Variants in SEPTIN11 observed in about 807,000 individuals in gnomAD.
The protein encoded by SEPTIN11 is septin-11.
In SEPTIN11, 25 loss-of-function variants were observed where a neutral mutation model predicts 51.4. That is an observed-to-expected ratio of 0.49 (90% CI 0.35 to 0.68). The LOEUF (loss-of-function observed/expected upper bound fraction) is 0.68, where lower values mean the gene tolerates loss of function less well. SEPTIN11 is among the 30% of genes least tolerant of loss of function. The pLI is 0.00. For missense variants in SEPTIN11, 381 were observed against 520.8 expected, an observed-to-expected ratio of 0.73 and a Z score of 2.61; for synonymous variants, 174 against 184.1, an observed-to-expected ratio of 0.95 and a Z score of 0.44.
chr4:76,958,676 AC>A (rs977685239), intron 1 of SEPTIN11, among the ~76,000 whole-genome samples: 4 of 152,226 alleles, frequency 2.6e-5, no homozygotes, highest in African/African-American at 4.8e-5. Context: ...CTGACTTTTT[AC>A]CAGGTTTTCA....
intron 5 of SEPTIN11, among the ~76,000 whole-genome samples, chr4:77,017,568 G>A (rs1725389000): frequency 6.6e-6 from 1 of 152,086 alleles, no homozygotes; most frequent in African/African-American, 2.4e-5. Flanking sequence ...TCCTTCTTAG[G>A]GTGTGAGATG....
chr4:77,018,394 A>T (rs1001917424), intron 5 of SEPTIN11, among the ~76,000 whole-genome samples: 6 of 151,612 alleles, frequency 4.0e-5, no homozygotes, highest in Non-Finnish European at 8.8e-5. Flanking sequence ...GCTTGCAGTG[A>T]GCCGAGATCG....
chr4:76,967,991 G>A (rs1722096973), intron 1 of SEPTIN11, among the ~76,000 whole-genome samples: 1 of 152,162 alleles, frequency 6.6e-6, no homozygotes, highest in Non-Finnish European at 1.5e-5. Context: ...TATGGTGTGA[G>A]CAGGCCCACA....
At chr4:76,983,016 G>A (rs1034194136) in intron 1 of SEPTIN11, among the ~76,000 whole-genome samples, 1 of 152,008 alleles carries the variant, frequency 6.6e-6, no homozygotes. Flanking sequence ...AGTTACACAG[G>A]AGAAATAGGG....
At chr4:77,033,460 TAATGTAGG>T (rs1726816891) in intron 9 of SEPTIN11, among the ~76,000 whole-genome samples, 1 of 152,246 alleles carries the variant, frequency 6.6e-6, no homozygotes, top group East Asian at 1.9e-4. Flanking sequence ...GCTCCTTTTT[TAATGTAGG>T]TAAGGCTTTA....
In SEPTIN11 at chr4:77,011,805, C is replaced by T. The variant is rs866623127; in HGVS notation, c.409C>T (p.Arg137Cys). Reference sequence around the variant, plus strand: ...CCTGCAAGAGGAATTGAAGATTAAACGTTCTCTCTTCAACTACCATGACAC... The same window carrying T: ...CCTGCAAGAGGAATTGAAGATTAAATGTTCTCTCTTCAACTACCATGACAC... ...AYLQEELKIK[R>C]SLFNYHDTRI... The change falls in exon 4 of 10, where the codon CGT becomes TGT. Residue 137 changes from arginine (R) to cysteine (C), a missense_variant. Physicochemically the swap from Arg to Cys is radical, Grantham distance 180. Transcript: ENST00000264893. The T allele has an allele frequency of 6.2e-6, 10 of 1,613,938 alleles. No homozygotes were observed. Among genetic ancestry groups the T allele is most frequent in the Admixed American group, 3.3e-5 (2 of 59,996 alleles).
At position 77,036,525 on chromosome 4, in the gene SEPTIN11, G is replaced by A; in HGVS notation, c.*2013G>A. On this transcript the variant is annotated 3_prime_UTR_variant, in exon 10 of 10. Transcript: ENST00000264893. The stretch of plus-strand genomic sequence containing the variant: ...TTTAAAATGAGCATAACAACGAAAG[G>A]CATCCAGCTGACTTTTTGATTCCAA... The A allele has an allele frequency of 7.2e-7, 1 of 1,383,778 alleles. No individual in the cohort carries two copies. Among genetic ancestry groups the A allele is most frequent in the African/African-American group, 1.5e-5 (1 of 67,860 alleles). 85.7% of individuals were successfully genotyped at this position (1,383,778 alleles called of 1,614,324 possible). A position where few individuals can be genotyped will look rare whatever the true frequency, so the allele number is the denominator to read the frequency against.
At chr4:77,001,951 GA>G (rs1724149500) in intron 2 of SEPTIN11, among the ~76,000 whole-genome samples, 1 of 152,146 alleles carries the variant, frequency 6.6e-6, no homozygotes, top group African/African-American at 2.4e-5. Flanking sequence ...CTAGCATGGG[GA>G]ACACAGTGAG....
At chr4:76,995,823 C>T in intron 1 of SEPTIN11, 1 of 1,534,512 alleles carries the variant, frequency 6.5e-7, no homozygotes, top group South Asian at 1.2e-5. Flanking sequence ...GTTACAGAGC[C>T]TGTGCTAGGA....
At chr4:76,950,713 C>A (rs1261761458) in intron 1 of SEPTIN11, among the ~76,000 whole-genome samples, 1 of 152,160 alleles carries the variant, frequency 6.6e-6, no homozygotes, top group African/African-American at 2.4e-5. Context: ...GCCAAGGCGC[C>A]GCGCCTACTG....
At chr4:76,983,062 C>T (rs1205754502) in intron 1 of SEPTIN11, among the ~76,000 whole-genome samples, 1 of 151,950 alleles carries the variant, frequency 6.6e-6, no homozygotes, top group East Asian at 1.9e-4. Context: ...AGGCAGAATC[C>T]GAAAATGGCC....
intron 1 of SEPTIN11, chr4:76,987,756 A>G: frequency 1.5e-6 from 1 of 662,108 alleles, no homozygotes; most frequent in Non-Finnish European, 1.9e-6. Context: ...GCTGGTGGTC[A>G]GTCAAAGATT....
intron 1 of SEPTIN11, chr4:76,959,042 G>A (rs1424415291): frequency 1.4e-6 from 1 of 721,150 alleles, no homozygotes; most frequent in Admixed American, 1.8e-5. Flanking sequence ...TTCAGAGAGG[G>A]AATGAAAGAA....
chr4:76,951,297 A>G (rs1721332398), intron 1 of SEPTIN11, among the ~76,000 whole-genome samples: 1 of 152,184 alleles, frequency 6.6e-6, no homozygotes. Context: ...GCAGTCAGAA[A>G]ACACAGCGGT....
At chr4:77,007,631 G>C (rs1284591007) in intron 3 of SEPTIN11, among the ~76,000 whole-genome samples, 2 of 152,174 alleles carry the variant, frequency 1.3e-5, no homozygotes, top group Non-Finnish European at 2.9e-5. Flanking sequence ...ACTCATTTGG[G>C]TCAAATAATA....
chr4:76,988,974 G>A (rs1311197342), intron 1 of SEPTIN11, among the ~76,000 whole-genome samples: 1 of 152,162 alleles, frequency 6.6e-6, no homozygotes, highest in Non-Finnish European at 1.5e-5. Flanking sequence ...GAGCAAATAT[G>A]CTTCCAGGAA....
downstream of SEPTIN11, chr4:77,039,469 A>G (rs1237269870): frequency 3.0e-5 from 30 of 993,892 alleles, no homozygotes; most frequent in Non-Finnish European, 3.4e-5. Flanking sequence ...CCCTAACCTG[A>G]GGGGGCCACC....
At chr4:77,033,245 C>T (rs1726795631) in intron 9 of SEPTIN11, among the ~76,000 whole-genome samples, 1 of 152,028 alleles carries the variant, frequency 6.6e-6, no homozygotes, top group South Asian at 2.1e-4. Context: ...CCAGGCTAGA[C>T]AGAGCAGCAC....
At chr4:76,950,923 A>G (rs1363867340) in intron 1 of SEPTIN11, among the ~76,000 whole-genome samples, 3 of 152,088 alleles carry the variant, frequency 2.0e-5, no homozygotes, top group Non-Finnish European at 4.4e-5. Flanking sequence ...TTCATCGTCG[A>G]TGTTCACAGT....
Sources: gnomAD v4.1 joint callset for allele counts (sites outside exome capture counted in the v4.1 genomes callset) on GRCh38, gnomAD v4.1.1 for gene constraint, MANE v1.5 for transcripts, NCBI Gene and HGNC (gene_info 2026-07-23, HGNC 2026-07-21) for gene names.